Variants in PDE4D observed in about 807,000 individuals in gnomAD.
The protein encoded by PDE4D is 3',5'-cyclic-AMP phosphodiesterase 4D.
A neutral mutation model predicts 87.4 loss-of-function variants in PDE4D; 24 were observed. That is an observed-to-expected ratio of 0.27 (90% CI 0.20 to 0.39). The LOEUF is 0.39. Ranked by LOEUF, PDE4D falls within the 10% of genes least tolerant of loss-of-function variation. PDE4D has a pLI of 1.00. For synonymous variants in PDE4D, 384 were observed against 383.2 expected, an observed-to-expected ratio of 1.00 and a Z score of -0.02; for missense variants, 714 against 1,041.0, an observed-to-expected ratio of 0.69 and a Z score of 4.32.
chr5:60,482,065 T>C (rs1459502015), intron 1 of PDE4D, among the ~76,000 whole-genome samples: 3 of 152,162 alleles, frequency 2.0e-5, no homozygotes, highest in African/African-American at 7.2e-5. Context: ...CCAAAATTCA[T>C]ATGCTGAGAT....
intron 1 of PDE4D, among the ~76,000 whole-genome samples, chr5:59,600,404 A>G (rs1191673977): frequency 1.3e-5 from 2 of 152,198 alleles, no homozygotes; most frequent in South Asian, 4.1e-4. Context: ...AAGTCTGAGC[A>G]AAAGGACAAA....
chr5:59,942,081 G>GCA (rs1441121506), intron 3 of PDE4D, among the ~76,000 whole-genome samples: 1 of 152,220 alleles, frequency 6.6e-6, no homozygotes, highest in Non-Finnish European at 1.5e-5. Context: ...ACTTGGAAGG[G>GCA]GGTGAGAGGG....
At chr5:59,566,899 G>A (rs1821026920) in intron 1 of PDE4D, among the ~76,000 whole-genome samples, 1 of 151,928 alleles carries the variant, frequency 6.6e-6, no homozygotes, top group Admixed American at 6.6e-5. Context: ...ATGTTTGCTT[G>A]TGGGGTCTTT....
At chr5:59,387,355 T>C (rs963653113) in intron 1 of PDE4D, among the ~76,000 whole-genome samples, 10 of 152,144 alleles carry the variant, frequency 6.6e-5, no homozygotes, top group Admixed American at 6.6e-4. Context: ...CCACAAAACC[T>C]ACTTTGGGAA....
At chr5:59,910,329 A>G (rs954306183) in intron 3 of PDE4D, among the ~76,000 whole-genome samples, 3 of 152,246 alleles carry the variant, frequency 2.0e-5, no homozygotes, top group African/African-American at 7.2e-5. Context: ...TACAAGATTG[A>G]CAAAGTCTCT....
chr5:60,026,123 G>A (rs1408173991), intron 2 of PDE4D, among the ~76,000 whole-genome samples: 1 of 152,084 alleles, frequency 6.6e-6, no homozygotes, highest in East Asian at 1.9e-4. Flanking sequence ...ATAATTTGAG[G>A]CTCAGTTCAT....
At chr5:59,790,274 A>G (rs1765639970) in intron 1 of PDE4D, among the ~76,000 whole-genome samples, 1 of 152,266 alleles carries the variant, frequency 6.6e-6, no homozygotes, top group Non-Finnish European at 1.5e-5. Context: ...AGTTATTGAA[A>G]AAAGAAGCCA....
chr5:59,471,078 C>A (rs1802363024), intron 1 of PDE4D, among the ~76,000 whole-genome samples: 1 of 152,050 alleles, frequency 6.6e-6, no homozygotes, highest in African/African-American at 2.4e-5. Flanking sequence ...CCTGTCTCTA[C>A]TAAAAATTAA....
chr5:59,071,185 C>T (rs143322872), intron 5 of PDE4D, among the ~76,000 whole-genome samples: 2 of 152,270 alleles, frequency 1.3e-5, no homozygotes, highest in African/African-American at 4.8e-5. Flanking sequence ...AAGTCTGATG[C>T]CCTTTTGATT....
At chr5:59,884,254 C>G (rs1749853508) in intron 1 of PDE4D, among the ~76,000 whole-genome samples, 1 of 151,804 alleles carries the variant, frequency 6.6e-6, no homozygotes, top group Non-Finnish European at 1.5e-5. Flanking sequence ...CTCTCTCACT[C>G]TACATATATA....
intron 1 of PDE4D, among the ~76,000 whole-genome samples, chr5:59,632,244 C>T (rs1375682926): frequency 6.6e-6 from 1 of 152,148 alleles, no homozygotes; most frequent in Admixed American, 6.5e-5. Flanking sequence ...CAGCCCCAGT[C>T]AGGGGCTTAC....
rs570534147 is a variant in PDE4D, at chr5:59,661,587, A to G, written c.455+231581T>C. Among the ~76,000 whole-genome samples the G allele has an allele frequency of 4.6e-5, 7 of 152,340 alleles. No homozygotes were observed. The South Asian group carries it at 8.3e-4, about 18-fold the overall frequency. On this transcript the variant is annotated intron_variant, in intron 1 of 14. Transcript: ENST00000340635. ...TACTCCTGAGCTAAATTAGGTAAAT[A>G]AACTTGTGTATAAGGAAGTTACCAT... is the stretch of plus-strand genomic sequence containing the variant.
At chr5:59,714,411 G>T (rs1050839049) in intron 1 of PDE4D, among the ~76,000 whole-genome samples, 3 of 152,220 alleles carry the variant, frequency 2.0e-5, no homozygotes, top group African/African-American at 7.2e-5. Flanking sequence ...AACTGGCTGA[G>T]GTGCCTGGCC....
intron 2 of PDE4D, among the ~76,000 whole-genome samples, chr5:60,082,286 C>T (rs1774040555): frequency 6.6e-6 from 1 of 152,186 alleles, no homozygotes; most frequent in African/African-American, 2.4e-5. Flanking sequence ...AGAAATCCTG[C>T]TTCCTCTCTC....
intron 1 of PDE4D, among the ~76,000 whole-genome samples, chr5:59,854,649 T>C (rs1203611787): frequency 2.0e-5 from 3 of 152,096 alleles, no homozygotes; most frequent in Non-Finnish European, 4.4e-5. Flanking sequence ...CTGAACCTTA[T>C]CTTGAAATAA....
chr5:60,056,841 C>A (rs771673373), intron 2 of PDE4D, among the ~76,000 whole-genome samples: 1 of 151,998 alleles, frequency 6.6e-6, no homozygotes, highest in Non-Finnish European at 1.5e-5. Flanking sequence ...CATACACACA[C>A]AAACATGAGC....
At chr5:60,147,344 T>A (rs1382119074) in intron 2 of PDE4D, among the ~76,000 whole-genome samples, 1 of 152,142 alleles carries the variant, frequency 6.6e-6, no homozygotes, top group Non-Finnish European at 1.5e-5. Context: ...GCTGTGTAGA[T>A]CACAATGGTG....
intron 1 of PDE4D, among the ~76,000 whole-genome samples, chr5:59,840,771 G>A (rs1471388666): frequency 6.6e-6 from 1 of 151,966 alleles, no homozygotes; most frequent in Non-Finnish European, 1.5e-5. Flanking sequence ...GAAAAGGAAG[G>A]GCTTCTTTGT....
At chr5:60,379,368 A>G (rs1238432627) in intron 1 of PDE4D, among the ~76,000 whole-genome samples, 3 of 152,164 alleles carry the variant, frequency 2.0e-5, no homozygotes, top group African/African-American at 7.2e-5. Flanking sequence ...GTATATTTTT[A>G]GCCGCAAGAG....
Sources: allele counts gnomAD v4.1 joint callset (sites outside exome capture counted in the v4.1 genomes callset), GRCh38; gene constraint gnomAD v4.1.1; transcripts MANE v1.5; gene names NCBI Gene and HGNC (gene_info 2026-07-23, HGNC 2026-07-21).